SOX5: variants seen among roughly 807,000 people sequenced by gnomAD.
SOX5 encodes the protein SRY-box transcription factor 5, also known as transcription factor SOX-5.
SOX5 carries 9 observed loss-of-function variants against 92.0 expected under a neutral mutation model. The observed-to-expected ratio is 0.10, with a 90% confidence interval of 0.06 to 0.17. SOX5 has a LOEUF of 0.17. Ranked by LOEUF, SOX5 falls within the 10% of genes least tolerant of loss-of-function variation. The pLI is 1.00. For synonymous variants in SOX5, 344 were observed against 336.3 expected (o/e 1.02, Z -0.25); for missense variants, 642 against 944.5 (o/e 0.68, Z 4.20).
At chr12:23,545,132 G>C (rs1942859143) in intron 12 of SOX5, among the ~76,000 whole-genome samples, 1 of 152,202 alleles carries the variant, frequency 6.6e-6, no homozygotes, top group African/African-American at 2.4e-5. Context: ...CCCTTGATTA[G>C]TATAGACCTG....
chr12:24,174,035 T>C (rs930018272), intron 4 of SOX5, among the ~76,000 whole-genome samples: 1 of 152,006 alleles, frequency 6.6e-6, no homozygotes, highest in Non-Finnish European at 1.5e-5. Flanking sequence ...TCTCACTGTG[T>C]CACCCAGTCT....
intron 1 of SOX5, among the ~76,000 whole-genome samples, chr12:24,525,771 C>T (rs1256498769): frequency 1.3e-5 from 2 of 151,716 alleles, no homozygotes; most frequent in Non-Finnish European, 2.9e-5. Flanking sequence ...ACTCGGGAGG[C>T]GTGAACCCGG....
At chr12:24,058,597 T>C (rs1939050208) in intron 4 of SOX5, among the ~76,000 whole-genome samples, 3 of 152,210 alleles carry the variant, frequency 2.0e-5, no homozygotes, top group African/African-American at 2.4e-5. Context: ...TTGAGTGTTA[T>C]TACTTTTGCA....
At chr12:24,403,518 C>A (rs1962230700) in intron 1 of SOX5, among the ~76,000 whole-genome samples, 3 of 152,154 alleles carry the variant, frequency 2.0e-5, no homozygotes, top group African/African-American at 7.2e-5. Flanking sequence ...CATTTTTTTA[C>A]TCTTATTTTA....
chr12:23,807,142 T>G (rs910862741), intron 3 of SOX5, among the ~76,000 whole-genome samples: 3 of 152,170 alleles, frequency 2.0e-5, no homozygotes, highest in African/African-American at 7.2e-5. Flanking sequence ...TGACATCAAT[T>G]TAAACTCATA....
At chr12:23,711,424 A>G (rs925417634) in intron 6 of SOX5, among the ~76,000 whole-genome samples, 1 of 152,202 alleles carries the variant, frequency 6.6e-6, no homozygotes, top group Admixed American at 6.5e-5. Context: ...GTCTATATGC[A>G]TAGGAAATAA....
At chr12:24,259,588 A>T (rs752528112) in intron 3 of SOX5, among the ~76,000 whole-genome samples, 7 of 152,230 alleles carry the variant, frequency 4.6e-5, no homozygotes, top group Non-Finnish European at 1.0e-4. Context: ...ATGATCAATG[A>T]AATAGATTAA....
intron 3 of SOX5, among the ~76,000 whole-genome samples, chr12:24,225,973 G>C (rs893862925): frequency 5.9e-5 from 9 of 152,276 alleles, no homozygotes; most frequent in African/African-American, 1.7e-4. Context: ...TAGTGGGATA[G>C]TACCAGTAAT....
At chr12:23,643,891 A>C (rs773364148) in intron 7 of SOX5, among the ~76,000 whole-genome samples, 2 of 152,120 alleles carry the variant, frequency 1.3e-5, no homozygotes, top group Non-Finnish European at 2.9e-5. Context: ...GATTCAGATG[A>C]GGAGCATTAG....
intron 1 of SOX5, among the ~76,000 whole-genome samples, chr12:24,491,137 G>A (rs905854040): frequency 1.3e-5 from 2 of 152,094 alleles, no homozygotes; most frequent in African/African-American, 4.8e-5. Context: ...ATGCTGGCTT[G>A]TGTGTGCTTG....
At chr12:24,044,184 CA>C (rs1426517537) in intron 4 of SOX5, among the ~76,000 whole-genome samples, 2 of 152,160 alleles carry the variant, frequency 1.3e-5, no homozygotes, top group African/African-American at 4.8e-5. Context: ...ATGTATTTAT[CA>C]ATGTATTCAA....
At chr12:24,072,948 A>G (rs1332449300) in intron 4 of SOX5, among the ~76,000 whole-genome samples, 3 of 152,254 alleles carry the variant, frequency 2.0e-5, no homozygotes, top group Admixed American at 6.5e-5. Flanking sequence ...GAATGTATCT[A>G]CATTGGAGTT....
intron 6 of SOX5, among the ~76,000 whole-genome samples, chr12:23,694,522 C>T (rs865925195): frequency 6.6e-6 from 1 of 151,962 alleles, no homozygotes; most frequent in Non-Finnish European, 1.5e-5. Context: ...AGGGGCTTAA[C>T]CCATTAATCA....
chr12:24,047,195 G>A (rs1002998182), intron 4 of SOX5, among the ~76,000 whole-genome samples: 2 of 152,114 alleles, frequency 1.3e-5, no homozygotes, highest in Non-Finnish European at 2.9e-5. Flanking sequence ...CATTTATGCT[G>A]GGCTGACCTT....
intron 1 of SOX5, 103 bp from the exon 2 acceptor site, chr12:23,896,127 C>G: frequency 1.3e-6 from 1 of 776,906 alleles, no homozygotes; most frequent in Non-Finnish European, 2.2e-6. Flanking sequence ...CCTTTTTGTG[C>G]TAGCAGAGAG....
chr12:23,925,098 A>G (rs1030349193), intron 1 of SOX5, among the ~76,000 whole-genome samples: 5 of 152,120 alleles, frequency 3.3e-5, no homozygotes, highest in Admixed American at 2.6e-4. Context: ...TACCATAGGT[A>G]TGAGATTTTA....
intron 4 of SOX5, among the ~76,000 whole-genome samples, chr12:24,095,128 C>CACAG (rs1345578614): frequency 3.7e-3 from 335 of 90,200 alleles, no homozygotes; most frequent in South Asian, 0.017. Flanking sequence ...CACACACACA[C>CACAG]AGAGAGAGAG....
intron 4 of SOX5, among the ~76,000 whole-genome samples, chr12:23,979,330 T>C (rs1161589276): frequency 6.6e-6 from 1 of 152,086 alleles, no homozygotes; most frequent in Non-Finnish European, 1.5e-5. Context: ...TTCAAGTGAT[T>C]CTCCTGCCTT....
intron 4 of SOX5, among the ~76,000 whole-genome samples, chr12:24,131,593 C>T (rs1949652799): frequency 6.6e-6 from 1 of 152,276 alleles, no homozygotes; most frequent in African/African-American, 2.4e-5. Context: ...ATTAACTTTA[C>T]ATATATTTAT....
Sources: allele counts gnomAD v4.1 joint callset (sites outside exome capture counted in the v4.1 genomes callset), GRCh38; gene constraint gnomAD v4.1.1; transcripts MANE v1.5; gene names NCBI Gene and HGNC (gene_info 2026-07-23, HGNC 2026-07-21).